EFCAB5: variants seen among roughly 807,000 people sequenced by gnomAD.
The protein encoded by EFCAB5 is EF-hand calcium-binding domain-containing protein 5.
In EFCAB5, 131 loss-of-function variants were observed where a neutral mutation model predicts 167.9. That is an observed-to-expected ratio of 0.78 (90% confidence interval 0.68 to 0.90). The LOEUF is 0.90. Ranked by LOEUF, EFCAB5 falls within the 40% of genes least tolerant of loss-of-function variation. EFCAB5 has a pLI of 0.00. For synonymous variants in EFCAB5, 574 were observed against 602.8 expected, an observed-to-expected ratio of 0.95 and a Z score of 0.70; for missense variants, 1,663 against 1,745.2, an observed-to-expected ratio of 0.95 and a Z score of 0.84.
intron 7 of EFCAB5, among the ~76,000 whole-genome samples, chr17:30,025,539 G>A (rs1275468168): frequency 1.3e-5 from 2 of 152,170 alleles, no homozygotes; most frequent in Non-Finnish European, 2.9e-5. Context: ...GAGAGGACGT[G>A]GAGAAATAGG....
chr17:30,091,345 A>G (rs559931976), intron 20 of EFCAB5, among the ~76,000 whole-genome samples: 7 of 152,352 alleles, frequency 4.6e-5, no homozygotes, highest in Non-Finnish European at 1.5e-5. Context: ...TCCTAGAATG[A>G]AGTGAATAGA....
chr17:30,056,214 A>C (rs1425603370), intron 12 of EFCAB5, 58 bp downstream of exon 12: 1 of 1,446,794 alleles, frequency 6.9e-7, no homozygotes, highest in Non-Finnish European at 9.5e-7. Flanking sequence ...GATTTAATTT[A>C]CTGTGGTACT....
At position 30,059,838 on chromosome 17, in the gene EFCAB5, A is replaced by G. The variant is rs557367986; in HGVS notation, c.2737+137A>G. 1.4e-3 allele frequency: 800 copies of G among 560,170 alleles called. 3 individuals carry two copies. The highest frequency in any genetic ancestry group is 4.8e-3 in the South Asian group (63 of 13,134). The allele number at this position is 560,170 out of a possible 1,614,324, so 34.7% of individuals were successfully genotyped here. A position where few individuals can be genotyped will look rare whatever the true frequency, so the allele number is the denominator to read the frequency against. ...TTCATGTCTACCAGTATAGATATACATTTATCTTATTTATTTTTAATTTCT... is the reference window on the plus strand; with the variant it reads ...TTCATGTCTACCAGTATAGATATACGTTTATCTTATTTATTTTTAATTTCT... On this transcript the variant is annotated intron_variant, in intron 14 of 22. Transcript: ENST00000394835.
intron 22 of EFCAB5, among the ~76,000 whole-genome samples, chr17:30,097,087 G>A (rs541415367): frequency 2.8e-5 from 4 of 140,762 alleles, no homozygotes; most frequent in South Asian, 4.5e-4. Context: ...ATGGAGTTTC[G>A]CTCTTGTTGC....
chr17:30,059,848 T>C (rs2070378442), intron 14 of EFCAB5, 147 bp downstream of exon 14: 1 of 559,138 alleles, frequency 1.8e-6, no homozygotes, highest in Non-Finnish European at 2.7e-6. Context: ...ATTTATCTTA[T>C]TTATTTTTAA....
At chr17:30,070,949 C>CAAAAAAAAAAAAAAAAAA in intron 14 of EFCAB5, among the ~76,000 whole-genome samples, 1 of 60,188 alleles carries the variant, frequency 1.7e-5, no homozygotes. Context: ...GATTCCATCT[C>CAAAAAAAAAAAAAAAAAA]AAAAAAAAAA....
intron 12 of EFCAB5, among the ~76,000 whole-genome samples, chr17:30,056,433 C>T (rs1421877743): frequency 6.6e-6 from 1 of 152,122 alleles, no homozygotes; most frequent in African/African-American, 2.4e-5. Context: ...ATGGCCCTAC[C>T]ACTGCTTTAA....
In EFCAB5 at chr17:30,053,572, A is replaced by G. The variant is rs570967655; in HGVS notation, c.1618A>G (p.Ile540Val). 6.8e-6 allele frequency: 11 copies of G among 1,613,980 alleles called. No individual in the cohort carries two copies. Among genetic ancestry groups the G allele is most frequent in the Middle Eastern group, 1.6e-4 (1 of 6,062 alleles). ...GCCAACTGCAGAGCAAGAACTGTACATAGAATCAGTAATAGAACCAGGAAC... is the reference window on the plus strand; with the variant it reads ...GCCAACTGCAGAGCAAGAACTGTACGTAGAATCAGTAATAGAACCAGGAAC... ...KKPTAEQELY[I>V]ESVIEPGTHT... The change falls in exon 10 of 23, where the codon ATA (isoleucine) becomes GTA (valine). Residue 540 changes from isoleucine (I) to valine (V), a missense_variant. Transcript: ENST00000394835.
rs535504611 is a variant in EFCAB5 at position 30,023,595 on chromosome 17, C to T, written c.1045-10635C>T. Among the ~76,000 whole-genome samples the T allele has an allele frequency of 6.3e-3, 961 of 152,110 alleles. 5 individuals are homozygous for T. Among genetic ancestry groups the T allele is most frequent in the African/African-American group, 0.022 (922 of 41,462 alleles). On this transcript the variant is annotated intron_variant, in intron 7 of 22. Transcript: ENST00000394835. ...AGATGGATTCGCTGCCGAATTCTAC[C>T]AGAGGTACAAGGAGGAACTGGTACC...
intron 7 of EFCAB5, among the ~76,000 whole-genome samples, chr17:30,020,968 T>C (rs1357664006): frequency 1.3e-5 from 1 of 77,792 alleles, no homozygotes; most frequent in Non-Finnish European, 2.5e-5. Flanking sequence ...GGAGGAACAT[T>C]AACAGAGTAG....
intron 3 of EFCAB5, among the ~76,000 whole-genome samples, chr17:29,943,932 G>T (rs2067344210): frequency 6.6e-6 from 1 of 151,934 alleles, no homozygotes; most frequent in Admixed American, 6.6e-5. Context: ...CAAGCTCGTG[G>T]ATTGCACTCC....
chr17:29,936,529 T>A (rs1366914094), intron 1 of EFCAB5, among the ~76,000 whole-genome samples: 1 of 152,154 alleles, frequency 6.6e-6, no homozygotes, highest in Non-Finnish European at 1.5e-5. Flanking sequence ...GTATGGGATG[T>A]CCCTCTGGTG....
Position 30,053,829 on chromosome 17 carries a change from AC to A in EFCAB5, c.1876del (p.Gln626LysfsTer18). 3 of 1,614,044 alleles carry A rather than the reference AC, an allele frequency of 1.9e-6. No homozygotes were observed. Among genetic ancestry groups the A allele is most frequent in the Non-Finnish European group, 2.5e-6 (3 of 1,179,886 alleles). ...QDRHKGSVAE[Q>X]GSRRMSAAEQ... ...ATCGACACAAAGGGTCAGTAGCAGA[AC>A]AAGGATCACGCAGAATGTCAGCTGC... is the stretch of plus-strand genomic sequence containing the variant. On this transcript the variant is annotated frameshift_variant, in exon 10 of 23. Transcript: ENST00000394835. LOFTEE classifies it high-confidence loss of function.
At position 30,057,761 on chromosome 17, in the gene EFCAB5, C is replaced by T. The variant is rs775009560; in HGVS notation, c.2451C>T (p.Leu817=). ...TAFNGVSFNL[L]QFVQLLETFV... ...TCAATGGAGTTTCATTCAATCTGCT[C>T]CAGTTTGTGCAACTCCTGGAGACAT... Residue 817 remains leucine, a synonymous_variant, in exon 13 of 23, where the codon CTC becomes CTT. Coordinates refer to ENST00000394835, the MANE Select transcript of EFCAB5 (RefSeq NM_198529.4). The T allele has an allele frequency of 2.5e-6, 4 of 1,613,812 alleles. No individual in the cohort carries two copies. The highest frequency in any genetic ancestry group is 3.4e-6 in the Non-Finnish European group (4 of 1,179,802).
At chr17:29,940,524 A>G (rs939212095), upstream of EFCAB5, among the ~76,000 whole-genome samples, 1 of 152,224 alleles carries the variant, frequency 6.6e-6, no homozygotes, top group African/African-American at 2.4e-5. Flanking sequence ...AATGGAAGGA[A>G]GCTTCTCAGC....
At chr17:30,083,172 A>G in intron 18 of EFCAB5, 129 bp downstream of exon 18, 3 of 1,281,462 alleles carry the variant, frequency 2.3e-6, no homozygotes, top group Non-Finnish European at 3.1e-6. Flanking sequence ...CCAATACAAG[A>G]CCCTTGGTTG....
chr17:30,012,981 A>G (rs1403894780), intron 7 of EFCAB5, among the ~76,000 whole-genome samples: 1 of 152,200 alleles, frequency 6.6e-6, no homozygotes, highest in Non-Finnish European at 1.5e-5. Context: ...ACATCCCATC[A>G]ATACCTAGTT....
intron 4 of EFCAB5, among the ~76,000 whole-genome samples, chr17:29,978,559 C>G (rs2068106911): frequency 6.6e-6 from 1 of 152,168 alleles, no homozygotes; most frequent in Admixed American, 6.5e-5. Flanking sequence ...CTACACCCTA[C>G]CCTGCAACTT....
intron 14 of EFCAB5, chr17:30,073,117 G>A (rs987708403): frequency 1.7e-5 from 12 of 693,282 alleles, no homozygotes; most frequent in African/African-American, 1.6e-4. Context: ...GTGCAGTGGC[G>A]CAACTGTAGC....
Sources: allele counts gnomAD v4.1 joint callset (sites outside exome capture counted in the v4.1 genomes callset), GRCh38; gene constraint gnomAD v4.1.1; transcripts MANE v1.5; gene names NCBI Gene and HGNC (gene_info 2026-07-23, HGNC 2026-07-21).